The following P3H2 variants were observed in gnomAD, a reference collection of about 807,000 sequenced individuals.
P3H2 encodes leprecan-like 1.
A neutral mutation model predicts 87.0 loss-of-function variants in P3H2; 80 were observed. The ratio of observed to expected loss-of-function variants is 0.92; its 90% CI spans 0.77 to 1.11. P3H2 has a LOEUF of 1.11. Ranked by LOEUF, P3H2 falls within the 50% of genes least tolerant of loss-of-function variation. P3H2 has a pLI of 0.00. For synonymous variants in P3H2, 367 were observed against 359.3 expected, an observed-to-expected ratio of 1.02 and a Z score of -0.24; for missense variants, 1,001 against 923.9, an observed-to-expected ratio of 1.08 and a Z score of -1.08.
intron 1 of P3H2, among the ~76,000 whole-genome samples, chr3:190,105,702 T>A (rs1445488462): frequency 6.6e-6 from 1 of 152,230 alleles, no homozygotes; most frequent in Non-Finnish European, 1.5e-5. Context: ...TCATCAGTTT[T>A]CTGTTTCCAC....
Position 190,120,851 on chromosome 3 carries a change from G to C in P3H2, c.-120C>G, listed in dbSNP as rs1403415930. The C allele has an allele frequency of 2.1e-6, 3 of 1,412,774 alleles. No individual in the cohort carries two copies. Among genetic ancestry groups the C allele is most frequent in the Non-Finnish European group, 2.8e-6 (3 of 1,079,088 alleles). The allele number at this position is 1,412,774 out of a possible 1,614,324, so 87.5% of individuals were successfully genotyped here. ...GCGCCGACTCCGCCGCGATCTGGCC[G>C]CTCCGCGAGCCCCAGGTGACCGCCG... On this transcript the variant is annotated 5_prime_UTR_variant, in exon 1 of 15. Coordinates refer to ENST00000319332, the MANE Select transcript of P3H2 (RefSeq NM_018192.4).
chr3:190,025,806 G>C (rs1203049281), intron 1 of P3H2, among the ~76,000 whole-genome samples: 2 of 152,066 alleles, frequency 1.3e-5, no homozygotes, highest in Non-Finnish European at 2.9e-5. Flanking sequence ...AACCATCAAT[G>C]CTTCCCATAA....
intron 1 of P3H2, among the ~76,000 whole-genome samples, chr3:190,079,722 A>C (rs1726985674): frequency 6.6e-6 from 1 of 151,990 alleles, no homozygotes; most frequent in Non-Finnish European, 1.5e-5. Context: ...TAGCCATTGA[A>C]CCTCCCCCTT....
At chr3:189,975,093 CACCT>C (rs1176700373) in intron 8 of P3H2, among the ~76,000 whole-genome samples, 2 of 152,170 alleles carry the variant, frequency 1.3e-5, no homozygotes, top group African/African-American at 4.8e-5. Flanking sequence ...ATGACATGCA[CACCT>C]CAGTTTCACT....
intron 1 of P3H2, among the ~76,000 whole-genome samples, chr3:190,086,666 C>G (rs1727221118): frequency 6.6e-6 from 1 of 152,156 alleles, no homozygotes; most frequent in African/African-American, 2.4e-5. Context: ...TCAAGTGGGA[C>G]ACACCATACC....
At chr3:190,109,474 G>A (rs1212176594) in intron 1 of P3H2, among the ~76,000 whole-genome samples, 1 of 152,100 alleles carries the variant, frequency 6.6e-6, no homozygotes, top group Non-Finnish European at 1.5e-5. Context: ...TAAATAATTG[G>A]GTTTGAGAAC....
chr3:190,030,522 C>T (rs1725220104), intron 1 of P3H2, among the ~76,000 whole-genome samples: 1 of 152,128 alleles, frequency 6.6e-6, no homozygotes, highest in Admixed American at 6.5e-5. Context: ...TGCCACTTCA[C>T]TCCAGCCTCG....
intron 1 of P3H2, among the ~76,000 whole-genome samples, chr3:190,037,955 A>G (rs1237058936): frequency 6.6e-6 from 1 of 152,184 alleles, no homozygotes; most frequent in African/African-American, 2.4e-5. Flanking sequence ...AAACTTCTCC[A>G]CTGATCTCAA....
intron 1 of P3H2, among the ~76,000 whole-genome samples, chr3:190,003,773 A>G (rs1348352744): frequency 6.6e-6 from 1 of 152,216 alleles, no homozygotes; most frequent in Non-Finnish European, 1.5e-5. Context: ...AGACTGAATA[A>G]CTGGGCAGGG....
At chr3:190,121,452 G>A (rs919001152), upstream of P3H2, 4 of 152,220 alleles carry the variant, frequency 2.6e-5, no homozygotes, top group Admixed American at 6.5e-5. Flanking sequence ...GCATAGAGCT[G>A]AGAAGTGGCA....
chr3:189,969,101 G>A (rs1016276570), intron 13 of P3H2: 1 of 517,316 alleles, frequency 1.9e-6, no homozygotes, highest in Non-Finnish European at 3.6e-6. Flanking sequence ...CCTATCTGAG[G>A]TATGGCAGTG....
chr3:190,120,816 TC>T lies in P3H2; in HGVS notation c.-86del. 1 of 1,466,338 alleles carries T rather than the reference TC, an allele frequency of 6.8e-7. No homozygotes were observed. Among genetic ancestry groups the T allele is most frequent in the Non-Finnish European group, 9.0e-7 (1 of 1,112,092 alleles). 90.8% of individuals were successfully genotyped at this position (1,466,338 alleles called of 1,614,324 possible). A position where few individuals can be genotyped will look rare whatever the true frequency, so the allele number is the denominator to read the frequency against. ...TCCGGGTCCCCTCTCCCACCTTCCC[TC>T]GGGGAAGCGCGCCGACTCCGCCGCG... On this transcript the variant is annotated 5_prime_UTR_variant, in exon 1 of 15. Transcript: ENST00000319332.
intron 1 of P3H2, among the ~76,000 whole-genome samples, chr3:190,020,168 G>A (rs1666439): frequency 0.49 from 63,622 of 130,842 alleles, 22,189 homozygotes; most frequent in South Asian, 0.55. Flanking sequence ...AGGCTAAGGC[G>A]TTCAACACCA....
intron 1 of P3H2, among the ~76,000 whole-genome samples, chr3:190,082,774 T>C (rs1321535962): frequency 6.6e-6 from 1 of 152,184 alleles, no homozygotes; most frequent in East Asian, 1.9e-4. Context: ...GCCAATGCTG[T>C]AGACAACAGA....
intron 13 of P3H2, among the ~76,000 whole-genome samples, chr3:189,966,105 AAAAGAAAG>A (rs1293473149): frequency 1.1e-4 from 10 of 91,216 alleles, no homozygotes; most frequent in African/African-American, 4.5e-4. Flanking sequence ...AAAGAAAGAA[AAAAGAAAG>A]AAAGAAAGAA....
chr3:189,988,854 T>C (rs1723786707), intron 4 of P3H2, 53 bp downstream of exon 4: 4 of 1,608,942 alleles, frequency 2.5e-6, no homozygotes, highest in Non-Finnish European at 3.4e-6. Flanking sequence ...GTGATGTCTG[T>C]AATGATGAAC....
intron 13 of P3H2, among the ~76,000 whole-genome samples, chr3:189,966,487 G>C (rs994482928): frequency 1.3e-5 from 2 of 152,192 alleles, no homozygotes; most frequent in Non-Finnish European, 2.9e-5. Flanking sequence ...GATTCACAAG[G>C]ATCTCTAAGA....
chr3:190,106,258 A>T (rs1436047311), intron 1 of P3H2, among the ~76,000 whole-genome samples: 1 of 152,238 alleles, frequency 6.6e-6, no homozygotes, highest in Non-Finnish European at 1.5e-5. Context: ...TTCTTAACAT[A>T]GCAAATGAAC....
intron 1 of P3H2, among the ~76,000 whole-genome samples, chr3:190,077,641 A>G (rs1726913278): frequency 6.6e-6 from 1 of 152,322 alleles, no homozygotes; most frequent in African/African-American, 2.4e-5. Flanking sequence ...TAAATACTCA[A>G]TTCAAAGTGT....
Sources: allele counts gnomAD v4.1 joint callset (sites outside exome capture counted in the v4.1 genomes callset), GRCh38; gene constraint gnomAD v4.1.1; transcripts MANE v1.5; gene names NCBI Gene and HGNC (gene_info 2026-07-23, HGNC 2026-07-21).